Variants in NECAB1 observed in about 807,000 individuals in gnomAD.
NECAB1 encodes the protein N-terminal EF-hand calcium-binding protein 1.
In NECAB1, 29 loss-of-function variants were observed where a neutral mutation model predicts 57.5. The ratio of observed to expected loss-of-function variants is 0.50; its 90% CI spans 0.38 to 0.69. NECAB1 has a LOEUF of 0.69. Among genes scored for constraint, NECAB1 ranks in the 30% least tolerant of loss-of-function variants. The pLI, the probability that NECAB1 is intolerant of heterozygous loss-of-function variation, is 0.00. For missense variants in NECAB1, 372 were observed against 413.8 expected (o/e 0.90, Z 0.88); for synonymous variants, 142 against 147.7 (o/e 0.96, Z 0.28).
At chr8:90,858,130 C>G (rs1812827470) in intron 3 of NECAB1, among the ~76,000 whole-genome samples, 1 of 152,148 alleles carries the variant, frequency 6.6e-6, no homozygotes, top group African/African-American at 2.4e-5. Flanking sequence ...TGAAAATCTC[C>G]TTTAATAAAT....
At chr8:90,947,623 A>G (rs1810843143) in intron 10 of NECAB1, among the ~76,000 whole-genome samples, 1 of 151,732 alleles carries the variant, frequency 6.6e-6, no homozygotes. Context: ...CTGGCCTTGA[A>G]CTCCTGACCT....
intron 2 of NECAB1, among the ~76,000 whole-genome samples, chr8:90,808,522 T>G (rs898130236): frequency 1.3e-5 from 2 of 152,182 alleles, no homozygotes; most frequent in Non-Finnish European, 2.9e-5. Flanking sequence ...TCTCACAGAC[T>G]TGTTGGAAAA....
chr8:90,801,904 A>T (rs991501630), intron 2 of NECAB1, among the ~76,000 whole-genome samples, 189 bp downstream of exon 2: 2 of 152,222 alleles, frequency 1.3e-5, no homozygotes, highest in Non-Finnish European at 2.9e-5. Context: ...AAGGATTTAC[A>T]TTTGAAAGGA....
At chr8:90,886,983 T>G (rs1809012639) in intron 5 of NECAB1, among the ~76,000 whole-genome samples, 1 of 152,240 alleles carries the variant, frequency 6.6e-6, no homozygotes, top group Non-Finnish European at 1.5e-5. Flanking sequence ...TTTGTTGTTT[T>G]ATAAATGGCC....
At chr8:90,920,356 C>T (rs1810076396) in intron 6 of NECAB1, among the ~76,000 whole-genome samples, 1 of 152,138 alleles carries the variant, frequency 6.6e-6, no homozygotes, top group South Asian at 2.1e-4. Flanking sequence ...TATGCCCAAA[C>T]CTAAAGGGAC....
chr8:90,955,715 C>A lies in NECAB1; in HGVS notation c.*203C>A. The A allele has an allele frequency of 6.5e-6, 3 of 462,670 alleles. No individual in the cohort carries two copies. Among genetic ancestry groups the A allele is most frequent in the Non-Finnish European group, 7.6e-6 (2 of 263,604 alleles). The allele number at this position is 462,670 out of a possible 1,614,324, so 28.7% of individuals were successfully genotyped here. On this transcript the variant is annotated 3_prime_UTR_variant, in exon 13 of 13. Coordinates refer to ENST00000417640, the MANE Select transcript of NECAB1 (RefSeq NM_022351.5). ...TCAATTTTCAAAGTTCACTAATATT[C>A]TCAATATTTAATGCTAAATGCTTTG...
chr8:90,842,472 G>C (rs1013100919), intron 3 of NECAB1, among the ~76,000 whole-genome samples: 4 of 152,194 alleles, frequency 2.6e-5, no homozygotes, highest in Non-Finnish European at 5.9e-5. Flanking sequence ...TGTCTGCAGG[G>C]GAACATCATC....
In NECAB1 at chr8:90,832,007, C is replaced by T. The variant is rs35918344; in HGVS notation, c.233+7182C>T. On this transcript the variant is annotated intron_variant, in intron 3 of 12. Transcript: ENST00000417640. ...AGTCTTACACTTTTACCAGGACTCA[C>T]TCTAAACCATTACTGGGCCTACGAT... Among the ~76,000 whole-genome samples, 213 of 152,288 alleles carry T rather than the reference C, an allele frequency of 1.4e-3. 1 individual carries two copies. The highest frequency in any genetic ancestry group is 2.2e-3 in the Non-Finnish European group (153 of 68,024).
chr8:90,833,932 G>A (rs769027387), intron 3 of NECAB1, among the ~76,000 whole-genome samples: 2 of 152,054 alleles, frequency 1.3e-5, no homozygotes, highest in African/African-American at 2.4e-5. Flanking sequence ...GAAGGCTGAG[G>A]CAGGTGGATC....
At position 90,845,552 on chromosome 8, in the gene NECAB1, G is replaced by T. The variant is rs557709582; in HGVS notation, c.233+20727G>T. On this transcript the variant is annotated intron_variant, in intron 3 of 12. Transcript: ENST00000417640. ...ATAAAGCCTCTTAAAAGTAGGTATT[G>T]GTTCATCTCCCATTGATTGCAGTAT... Among the ~76,000 whole-genome samples the T allele has an allele frequency of 3.9e-5, 6 of 152,188 alleles. No individual in the cohort carries two copies. In the South Asian group the frequency reaches 1.2e-3, roughly 32 times the overall value.
rs139850747 is a variant in NECAB1, at chr8:90,877,630, A to G, written c.260-3403A>G. On this transcript the variant is annotated intron_variant, in intron 4 of 12. Transcript: ENST00000417640. ...TGGGCCTGAGACACTGAGTTCTAAC[A>G]AGCTCCTAGGTGAAACTAATGCTGC... 4.2e-3 allele frequency among the ~76,000 whole-genome samples: 637 copies of G among 152,316 alleles called. 3 individuals carry two copies. Among genetic ancestry groups the G allele is most frequent in the Non-Finnish European group, 7.7e-3 (521 of 68,012 alleles).
At chr8:90,832,554 T>C (rs1165777518) in intron 3 of NECAB1, among the ~76,000 whole-genome samples, 1 of 152,148 alleles carries the variant, frequency 6.6e-6, no homozygotes, top group African/African-American at 2.4e-5. Context: ...TCAAGGCAGT[T>C]TCTATATAAT....
chr8:90,932,617 C>T (rs760344523), intron 8 of NECAB1, among the ~76,000 whole-genome samples: 8 of 152,154 alleles, frequency 5.3e-5, no homozygotes, highest in Non-Finnish European at 1.2e-4. Flanking sequence ...AGAGAATTTA[C>T]AGCAAAGCAG....
chr8:90,900,279 A>G (rs933926953), intron 5 of NECAB1, among the ~76,000 whole-genome samples: 6 of 152,196 alleles, frequency 3.9e-5, no homozygotes, highest in African/African-American at 1.4e-4. Flanking sequence ...ATCTTCCCAC[A>G]TTGATCACTT....
At chr8:90,945,366 A>G (rs969923692) in intron 10 of NECAB1, among the ~76,000 whole-genome samples, 2 of 151,800 alleles carry the variant, frequency 1.3e-5, no homozygotes, top group African/African-American at 4.8e-5. Flanking sequence ...GTGCCGGGCC[A>G]TTTTTGTATT....
chr8:90,904,729 C>G (rs941437608), intron 5 of NECAB1, among the ~76,000 whole-genome samples: 3 of 152,020 alleles, frequency 2.0e-5, no homozygotes, highest in Admixed American at 2.0e-4. Context: ...TATCTATAAA[C>G]CAACAATAGT....
chr8:90,946,072 T>A, intron 10 of NECAB1, among the ~76,000 whole-genome samples: 1 of 152,256 alleles, frequency 6.6e-6, no homozygotes, highest in East Asian at 1.9e-4. Context: ...CAATTGGACT[T>A]TTCTTGCTGT....
At chr8:90,859,217 C>T (rs879556837) in intron 3 of NECAB1, 1 of 152,214 alleles carries the variant, frequency 6.6e-6, no homozygotes. Context: ...ATCTCTCTAG[C>T]CTGTGGCCAC....
At chr8:90,807,059 T>A (rs979913969) in intron 2 of NECAB1, among the ~76,000 whole-genome samples, 2 of 152,158 alleles carry the variant, frequency 1.3e-5, no homozygotes, top group South Asian at 2.1e-4. Context: ...TATACAAATA[T>A]AATTATAGTT....
Sources: gnomAD v4.1 joint callset for allele counts (sites outside exome capture counted in the v4.1 genomes callset) on GRCh38, gnomAD v4.1.1 for gene constraint, MANE v1.5 for transcripts, NCBI Gene and HGNC (gene_info 2026-07-23, HGNC 2026-07-21) for gene names.